The following TRAPPC9 variants were observed in gnomAD, a reference collection of about 807,000 sequenced individuals.
TRAPPC9 encodes the protein trafficking protein particle complex subunit 9.
TRAPPC9 carries 83 observed loss-of-function variants against 124.0 expected under a neutral mutation model. The observed-to-expected ratio is 0.67, with a 90% confidence interval of 0.56 to 0.80. The LOEUF (loss-of-function observed/expected upper bound fraction) is 0.80. Ranked by LOEUF, TRAPPC9 falls within the 30% of genes least tolerant of loss-of-function variation. The pLI, the probability that TRAPPC9 is intolerant of heterozygous loss-of-function variation, is 0.00. For missense variants in TRAPPC9, 1,302 were observed against 1,508.3 expected (o/e 0.86, Z 2.27); for synonymous variants, 638 against 617.5 (o/e 1.03, Z -0.49).
chr8:140,002,625 A>G (rs944699392), intron 18 of TRAPPC9, among the ~76,000 whole-genome samples: 5 of 152,232 alleles, frequency 3.3e-5, no homozygotes, highest in African/African-American at 1.2e-4. Flanking sequence ...ATTCTAGGGT[A>G]CACTAATATA....
chr8:139,792,014 G>C (rs749191154), intron 21 of TRAPPC9, among the ~76,000 whole-genome samples: 2 of 152,158 alleles, frequency 1.3e-5, no homozygotes, highest in South Asian at 2.1e-4. Flanking sequence ...CCTCCCACAG[G>C]GAGCCCTCCC....
intron 17 of TRAPPC9, among the ~76,000 whole-genome samples, chr8:140,039,538 T>A (rs1407040229): frequency 1.3e-5 from 2 of 152,354 alleles, no homozygotes; most frequent in East Asian, 3.9e-4. Flanking sequence ...AAATAAATAG[T>A]TTAAATGCCA....
At chr8:139,858,069 C>A (rs112969449) in intron 21 of TRAPPC9, among the ~76,000 whole-genome samples, 6 of 152,182 alleles carry the variant, frequency 3.9e-5, no homozygotes, top group African/African-American at 1.4e-4. Context: ...GAAGTGGGAC[C>A]AAAGCATCAT....
At chr8:140,269,819 T>A (rs1402602719) in intron 15 of TRAPPC9, among the ~76,000 whole-genome samples, 2 of 151,844 alleles carry the variant, frequency 1.3e-5, no homozygotes, top group African/African-American at 4.8e-5. Flanking sequence ...CCAAGGATGG[T>A]CGGGCACGGT....
chr8:139,897,516 A>G (rs11166933), intron 20 of TRAPPC9, among the ~76,000 whole-genome samples: 90,347 of 152,142 alleles, frequency 0.59, 27,523 homozygotes, highest in African/African-American at 0.74. Flanking sequence ...AAGGGACAGT[A>G]CCCCAGTCAC....
intron 21 of TRAPPC9, among the ~76,000 whole-genome samples, chr8:139,884,618 GCTAT>G (rs1829883750): frequency 6.6e-6 from 1 of 152,198 alleles, no homozygotes; most frequent in African/African-American, 2.4e-5. Context: ...TCCCGGCTCA[GCTAT>G]CTGAGTCTAG....
At chr8:139,926,724 AAAAC>A (rs1445093957) in intron 19 of TRAPPC9, among the ~76,000 whole-genome samples, 4 of 152,182 alleles carry the variant, frequency 2.6e-5, no homozygotes, top group African/African-American at 7.2e-5. Context: ...GCCTCAGAAA[AAAAC>A]AAACAAACAA....
intron 14 of TRAPPC9, among the ~76,000 whole-genome samples, chr8:140,279,928 C>T (rs1007450360): frequency 1.5e-4 from 23 of 152,214 alleles, no homozygotes; most frequent in African/African-American, 5.1e-4. Context: ...CTGCCCTTAG[C>T]GTTTCTTCGC....
chr8:140,380,084 C>A (rs1006546272), intron 7 of TRAPPC9, among the ~76,000 whole-genome samples: 1 of 152,098 alleles, frequency 6.6e-6, no homozygotes, highest in East Asian at 1.9e-4. Context: ...GAGAAATTGA[C>A]AAGCTTATGC....
At chr8:139,957,501 G>A (rs1254945994) in intron 19 of TRAPPC9, among the ~76,000 whole-genome samples, 1 of 152,244 alleles carries the variant, frequency 6.6e-6, no homozygotes, top group East Asian at 1.9e-4. Context: ...GGTAGGGCAC[G>A]CTGTGTCTGG....
intron 21 of TRAPPC9, among the ~76,000 whole-genome samples, chr8:139,805,308 G>A (rs1412304164): frequency 6.6e-6 from 1 of 152,198 alleles, no homozygotes; most frequent in African/African-American, 2.4e-5. Flanking sequence ...AAAACTCCAG[G>A]CCATGCACAG....
chr8:140,203,380 C>T (rs968893452), intron 17 of TRAPPC9, among the ~76,000 whole-genome samples: 6 of 152,142 alleles, frequency 3.9e-5, no homozygotes, highest in South Asian at 4.1e-4. Context: ...TTTGTCTCAA[C>T]GGTATTCCTG....
At chr8:140,205,943 T>C (rs1216856566) in intron 17 of TRAPPC9, among the ~76,000 whole-genome samples, 3 of 152,216 alleles carry the variant, frequency 2.0e-5, no homozygotes. Flanking sequence ...CAGTCTTATT[T>C]CCAACCCTCA....
chr8:139,821,750 T>C (rs540171226), intron 21 of TRAPPC9, among the ~76,000 whole-genome samples: 1 of 152,338 alleles, frequency 6.6e-6, no homozygotes, highest in Non-Finnish European at 1.5e-5. Context: ...TGAGGCTCCA[T>C]GACGGTCCAG....
chr8:139,800,908 C>T (rs910778168), intron 21 of TRAPPC9, among the ~76,000 whole-genome samples: 10 of 151,372 alleles, frequency 6.6e-5, no homozygotes, highest in African/African-American at 2.4e-4. Flanking sequence ...GGTACCTTCC[C>T]TCCCTCCGGT....
chr8:139,847,044 C>T (rs1250423344), intron 21 of TRAPPC9, among the ~76,000 whole-genome samples: 1 of 152,246 alleles, frequency 6.6e-6, no homozygotes, highest in Non-Finnish European at 1.5e-5. Context: ...TCTGGGCTTG[C>T]AGCCATCCCT....
chr8:140,410,835 T>G (rs889240193), intron 5 of TRAPPC9, among the ~76,000 whole-genome samples: 1 of 147,338 alleles, frequency 6.8e-6, no homozygotes. Flanking sequence ...AGAGCGAGAC[T>G]GTCTCAAAAA....
chr8:139,885,675 C>T (rs561906210), intron 21 of TRAPPC9, among the ~76,000 whole-genome samples: 4 of 152,384 alleles, frequency 2.6e-5, no homozygotes, highest in African/African-American at 7.2e-5. Flanking sequence ...CTGAGCTGCC[C>T]GCCTAGGTGA....
At chr8:139,893,037 C>A (rs1008902662) in intron 20 of TRAPPC9, among the ~76,000 whole-genome samples, 2 of 152,182 alleles carry the variant, frequency 1.3e-5, no homozygotes, top group Admixed American at 6.5e-5. Flanking sequence ...AGGCTTTCAA[C>A]CTTACTGATG....
Sources: gnomAD v4.1 joint callset for allele counts (sites outside exome capture counted in the v4.1 genomes callset) on GRCh38, gnomAD v4.1.1 for gene constraint, MANE v1.5 for transcripts, NCBI Gene and HGNC (gene_info 2026-07-23, HGNC 2026-07-21) for gene names.